PCMTD1: variants seen among roughly 807,000 people sequenced by gnomAD.
PCMTD1 encodes protein-L-isoaspartate O-methyltransferase domain-containing protein 1.
PCMTD1 carries 12 observed loss-of-function variants against 37.6 expected under a neutral mutation model. The observed-to-expected ratio is 0.32, with a 90% CI of 0.20 to 0.52. PCMTD1 has a LOEUF of 0.52. Among genes scored for constraint, PCMTD1 ranks in the 20% least tolerant of loss-of-function variants. The probability of loss-of-function intolerance (pLI) is 0.97; values close to 1 mark genes in which losing one functional copy is unlikely to be tolerated. For synonymous variants in PCMTD1, 117 were observed against 135.8 expected (o/e 0.86, Z 0.96); for missense variants, 235 against 421.3 (o/e 0.56, Z 3.87).
intron 2 of PCMTD1, among the ~76,000 whole-genome samples, chr8:51,856,502 A>G (rs2038392151): frequency 6.6e-6 from 1 of 152,224 alleles, no homozygotes; most frequent in African/African-American, 2.4e-5. Flanking sequence ...CTACTCTTTA[A>G]GAATCTACCT....
chr8:51,823,620 T>C (rs1008351938), intron 5 of PCMTD1, among the ~76,000 whole-genome samples: 2 of 152,168 alleles, frequency 1.3e-5, no homozygotes, highest in Non-Finnish European at 2.9e-5. Context: ...GATAAGACAA[T>C]ACTAATCCTG....
At chr8:51,844,868 T>C (rs2038196049) in intron 3 of PCMTD1, 1 of 152,218 alleles carries the variant, frequency 6.6e-6, no homozygotes, top group Non-Finnish European at 1.5e-5. Flanking sequence ...ATTCTCAGTG[T>C]TTTTGCCTAA....
At chr8:51,864,757 AAG>A (rs1203187077) in intron 1 of PCMTD1, among the ~76,000 whole-genome samples, 5 of 152,158 alleles carry the variant, frequency 3.3e-5, no homozygotes, top group African/African-American at 7.2e-5. Context: ...CCTGTATCAA[AAG>A]AGAGTAAAGA....
At chr8:51,862,056 C>CAGTAT (rs1006162514) in intron 1 of PCMTD1, among the ~76,000 whole-genome samples, 26 of 151,636 alleles carry the variant, frequency 1.7e-4, no homozygotes, top group East Asian at 3.9e-4. Context: ...CTTTATAGTA[C>CAGTAT]AGTATAGTAT....
intron 3 of PCMTD1, among the ~76,000 whole-genome samples, chr8:51,839,801 CT>C (rs1284786791): frequency 2.0e-5 from 3 of 152,126 alleles, no homozygotes; most frequent in Non-Finnish European, 4.4e-5. Flanking sequence ...AGAATCCTAC[CT>C]TGTTCTCACA....
Position 51,817,855 on chromosome 8 carries a change from T to C in PCMTD1, c.*2496A>G, listed in dbSNP as rs1211013767. ...GGGATTGATCTGATGCTAGAAGCTATCTTAGGCCCTGTCTCTAACTCACTG... is the reference window on the plus strand; with the variant it reads ...GGGATTGATCTGATGCTAGAAGCTACCTTAGGCCCTGTCTCTAACTCACTG... On this transcript the variant is annotated 3_prime_UTR_variant, in exon 6 of 6. Coordinates refer to ENST00000522514, the MANE Select transcript of PCMTD1 (RefSeq NM_052937.4). The C allele has an allele frequency of 4.4e-6, 2 of 456,804 alleles. No individual in the cohort carries two copies. The highest frequency in any genetic ancestry group is 3.1e-5 in the South Asian group (2 of 64,576). 28.3% of individuals were successfully genotyped at this position (456,804 alleles called of 1,614,324 possible). A position where few individuals can be genotyped will look rare whatever the true frequency, so the allele number is the denominator to read the frequency against.
intron 1 of PCMTD1, among the ~76,000 whole-genome samples, chr8:51,867,372 C>T (rs2129288742): frequency 6.6e-6 from 1 of 151,810 alleles, no homozygotes; most frequent in African/African-American, 2.4e-5. Context: ...ATTAGTATGT[C>T]AAAGATATAT....
intron 1 of PCMTD1, among the ~76,000 whole-genome samples, chr8:51,877,166 C>T (rs1036616733): frequency 2.0e-5 from 3 of 152,096 alleles, no homozygotes; most frequent in South Asian, 2.1e-4. Flanking sequence ...TTGTAGAAAG[C>T]GTACACTCGC....
At chr8:51,833,403 A>G in intron 4 of PCMTD1, 115 bp downstream of exon 4, 1 of 801,658 alleles carries the variant, frequency 1.2e-6, no homozygotes, top group South Asian at 2.2e-5. Context: ...AAATCTGGTG[A>G]AAAGTAATTT....
intron 2 of PCMTD1, among the ~76,000 whole-genome samples, chr8:51,851,421 G>A (rs2038305718): frequency 1.3e-5 from 2 of 152,030 alleles, no homozygotes; most frequent in Non-Finnish European, 2.9e-5. Context: ...CTAAAATGTC[G>A]AAATATCAAC....
Position 51,818,809 on chromosome 8 carries a change from C to G in PCMTD1, c.*1542G>C, listed in dbSNP as rs868300137. 6.6e-6 allele frequency: 1 copy of G among 152,318 alleles called. No individual in the cohort carries two copies. Among genetic ancestry groups the G allele is most frequent in the African/African-American group, 2.4e-5 (1 of 41,486 alleles). 9.4% of individuals were successfully genotyped at this position (152,318 alleles called of 1,614,324 possible). On this transcript the variant is annotated 3_prime_UTR_variant, in exon 6 of 6. Coordinates refer to ENST00000522514, the MANE Select transcript of PCMTD1 (RefSeq NM_052937.4). Reference sequence around the variant, plus strand: ...TTTGTTTTTAGATGTTGTGGAATTACTGGAGCTGAGATTTCTGAAACAATA... The same window carrying G: ...TTTGTTTTTAGATGTTGTGGAATTAGTGGAGCTGAGATTTCTGAAACAATA...
At chr8:51,847,613 C>G (rs890106773) in intron 2 of PCMTD1, among the ~76,000 whole-genome samples, 3 of 151,600 alleles carry the variant, frequency 2.0e-5, no homozygotes, top group African/African-American at 7.3e-5. Flanking sequence ...GGTGACAGAG[C>G]AAGACTCTGT....
intron 2 of PCMTD1, among the ~76,000 whole-genome samples, chr8:51,846,766 T>C (rs901494355): frequency 6.6e-5 from 10 of 152,210 alleles, no homozygotes; most frequent in Non-Finnish European, 8.8e-5. Flanking sequence ...AATTGTCATG[T>C]TTGAATGTTG....
At chr8:51,854,121 A>T (rs1007202303) in intron 2 of PCMTD1, among the ~76,000 whole-genome samples, 1 of 152,236 alleles carries the variant, frequency 6.6e-6, no homozygotes, top group Admixed American at 6.5e-5. Flanking sequence ...GCCACTTCAC[A>T]TCACTGGAGA....
intron 1 of PCMTD1, among the ~76,000 whole-genome samples, chr8:51,876,594 A>G (rs551191434): frequency 6.6e-6 from 1 of 152,320 alleles, no homozygotes; most frequent in Non-Finnish European, 1.5e-5. Context: ...CTGACTCTAA[A>G]ATTCAGGCAG....
At chr8:51,833,297 G>A (rs2038021614) in intron 4 of PCMTD1, among the ~76,000 whole-genome samples, 1 of 152,174 alleles carries the variant, frequency 6.6e-6, no homozygotes, top group Non-Finnish European at 1.5e-5. Context: ...TGAGTTGAAA[G>A]CCCAAGTTAC....
chr8:51,881,943 T>C (rs568013587), intron 1 of PCMTD1, among the ~76,000 whole-genome samples: 188 of 152,348 alleles, frequency 1.2e-3, no homozygotes, highest in Non-Finnish European at 1.9e-3. Context: ...TGTTTTTGCA[T>C]ATGCATTAAG....
At chr8:51,864,666 A>AT (rs1342143568) in intron 1 of PCMTD1, among the ~76,000 whole-genome samples, 1 of 152,190 alleles carries the variant, frequency 6.6e-6, no homozygotes, top group Admixed American at 6.5e-5. Flanking sequence ...CTTGAGACAA[A>AT]TGAAAATGGA....
chr8:51,824,591 G>A (rs747462653), intron 5 of PCMTD1, among the ~76,000 whole-genome samples: 1 of 152,178 alleles, frequency 6.6e-6, no homozygotes, highest in African/African-American at 2.4e-5. Flanking sequence ...TGGATAGGAA[G>A]AATCAATATC....
Sources: allele counts gnomAD v4.1 joint callset (sites outside exome capture counted in the v4.1 genomes callset), GRCh38; gene constraint gnomAD v4.1.1; transcripts MANE v1.5; gene names NCBI Gene and HGNC (gene_info 2026-07-23, HGNC 2026-07-21).